Variants in SLC12A8 observed in about 807,000 individuals in gnomAD.
The protein encoded by SLC12A8 is solute carrier family 12 member 8, also known as cation-chloride cotransporter 9.
Under a neutral mutation model 75.6 loss-of-function variants are expected in SLC12A8, and 69 were observed. The ratio of observed to expected loss-of-function variants is 0.91; its 90% CI spans 0.75 to 1.11. The LOEUF (loss-of-function observed/expected upper bound fraction) is 1.11. SLC12A8 is among the 50% of genes most tolerant of loss of function. The probability of loss-of-function intolerance (pLI) is 0.00; values close to 1 mark genes in which losing one functional copy is unlikely to be tolerated. For missense variants in SLC12A8, 877 were observed against 896.7 expected, an observed-to-expected ratio of 0.98 and a Z score of 0.28; for synonymous variants, 365 against 372.8, an observed-to-expected ratio of 0.98 and a Z score of 0.24.
intron 2 of SLC12A8, among the ~76,000 whole-genome samples, chr3:125,202,648 T>A (rs78038612): frequency 0.16 from 798 of 5,134 alleles, 18 homozygotes; most frequent in Admixed American, 0.39. Context: ...TTTTTTTTTT[T>A]TTAAATCTGT....
intron 10 of SLC12A8, among the ~76,000 whole-genome samples, chr3:125,103,647 T>G (rs1938944513): frequency 6.6e-6 from 1 of 151,750 alleles, no homozygotes; most frequent in Non-Finnish European, 1.5e-5. Context: ...AAAAAATTTT[T>G]GTAGACACAG....
At chr3:125,132,549 G>T (rs11719446) in intron 6 of SLC12A8, among the ~76,000 whole-genome samples, 2,568 of 152,312 alleles carry the variant, frequency 0.017, 25 homozygotes, top group Non-Finnish European at 0.026. Context: ...ACTGGCATAA[G>T]CATTTGGCTG....
intron 8 of SLC12A8, among the ~76,000 whole-genome samples, chr3:125,117,033 G>T (rs560122084): frequency 6.6e-6 from 1 of 152,160 alleles, no homozygotes; most frequent in Admixed American, 6.5e-5. Context: ...TGGAAAGTGG[G>T]TATCAGTTCT....
intron 2 of SLC12A8, among the ~76,000 whole-genome samples, chr3:125,190,974 G>C (rs1934898994): frequency 6.6e-6 from 1 of 152,136 alleles, no homozygotes; most frequent in Non-Finnish European, 1.5e-5. Context: ...TGGGGCTCAT[G>C]GTCATGAGCC....
At chr3:125,163,032 G>A (rs1032535204) in intron 5 of SLC12A8, among the ~76,000 whole-genome samples, 34 of 152,316 alleles carry the variant, frequency 2.2e-4, no homozygotes, top group African/African-American at 7.7e-4. Context: ...GGCCAGGTGC[G>A]GTGGCTCATG....
intron 2 of SLC12A8, among the ~76,000 whole-genome samples, chr3:125,199,569 C>T (rs1030046819): frequency 6.1e-5 from 9 of 148,422 alleles, no homozygotes; most frequent in African/African-American, 2.2e-4. Context: ...TAATCAAACC[C>T]CTTCTCTAGA....
At chr3:125,175,133 A>T (rs1179127480) in intron 5 of SLC12A8, among the ~76,000 whole-genome samples, 6 of 152,320 alleles carry the variant, frequency 3.9e-5, no homozygotes, top group East Asian at 1.9e-4. Context: ...AATTTTTTTT[A>T]AAAAAGTAAC....
intron 2 of SLC12A8, among the ~76,000 whole-genome samples, chr3:125,198,964 G>C (rs984074215): frequency 6.6e-6 from 1 of 151,914 alleles, no homozygotes; most frequent in Non-Finnish European, 1.5e-5. Context: ...ATTTTTAGTA[G>C]AGATGGGGTT....
chr3:125,153,741 C>T (rs1933986580), intron 5 of SLC12A8, among the ~76,000 whole-genome samples: 1 of 152,116 alleles, frequency 6.6e-6, no homozygotes, highest in Non-Finnish European at 1.5e-5. Context: ...CAGGTTCAAG[C>T]GATTCTCCTG....
At chr3:125,157,250 A>G (rs1934070042) in intron 5 of SLC12A8, among the ~76,000 whole-genome samples, 1 of 152,252 alleles carries the variant, frequency 6.6e-6, no homozygotes, top group African/African-American at 2.4e-5. Flanking sequence ...ATCTACTCAC[A>G]TATATGAATA....
intron 10 of SLC12A8, among the ~76,000 whole-genome samples, chr3:125,105,988 C>A (rs1221122839): frequency 6.6e-6 from 1 of 152,096 alleles, no homozygotes; most frequent in East Asian, 1.9e-4. Flanking sequence ...TGAGATCGCA[C>A]CAAATCCTCA....
At position 125,203,693 on chromosome 3, in the gene SLC12A8, C is replaced by T. The variant is rs542237989; in HGVS notation, c.51+7606G>A. Among the ~76,000 whole-genome samples the T allele has an allele frequency of 3.9e-5, 6 of 152,250 alleles. No individual in the cohort carries two copies. In the South Asian group the frequency reaches 1.2e-3, roughly 32 times the overall value. On this transcript the variant is annotated intron_variant, in intron 2 of 13. Coordinates refer to ENST00000469902, the MANE Select transcript of SLC12A8 (RefSeq NM_024628.6). ...ATTGGTTTGGGAAAAGGTTTTATGG[C>T]TAAGATTTCAAAAGCACAGGCAACA...
chr3:125,114,220 G>A (rs1007871948), intron 8 of SLC12A8, among the ~76,000 whole-genome samples: 7 of 152,142 alleles, frequency 4.6e-5, no homozygotes, highest in African/African-American at 1.2e-4. Flanking sequence ...CTGTGTCCAC[G>A]ATGGAGGGCA....
intron 13 of SLC12A8, among the ~76,000 whole-genome samples, chr3:125,086,228 C>T (rs1484456031): frequency 6.6e-6 from 1 of 152,144 alleles, no homozygotes; most frequent in Non-Finnish European, 1.5e-5. Context: ...AAAATATCGC[C>T]CAGCAGCCAT....
intron 8 of SLC12A8, 49 bp from the exon 9 acceptor site, chr3:125,110,384 C>T: frequency 6.3e-7 from 1 of 1,584,518 alleles, no homozygotes; most frequent in South Asian, 1.2e-5. Context: ...TGCTCCTGTG[C>T]CTTTCTACCC....
At chr3:125,160,106 C>T (rs1249767267) in intron 5 of SLC12A8, among the ~76,000 whole-genome samples, 1 of 152,116 alleles carries the variant, frequency 6.6e-6, no homozygotes, top group East Asian at 1.9e-4. Context: ...CCATGTCCAG[C>T]TAATTTTTAA....
intron 6 of SLC12A8, among the ~76,000 whole-genome samples, chr3:125,133,503 CT>C (rs1249631725): frequency 6.6e-6 from 1 of 151,310 alleles, no homozygotes; most frequent in Non-Finnish European, 1.5e-5. Flanking sequence ...CCTCCCACCC[CT>C]AAGTAGCTGA....
intron 6 of SLC12A8, among the ~76,000 whole-genome samples, chr3:125,126,586 C>T (rs566816835): frequency 1.2e-4 from 18 of 152,212 alleles, no homozygotes; most frequent in Admixed American, 3.9e-4. Context: ...TTTCCCACCC[C>T]AATTCCCTTT....
At chr3:125,112,005 G>A (rs766941832) in intron 8 of SLC12A8, among the ~76,000 whole-genome samples, 3 of 152,142 alleles carry the variant, frequency 2.0e-5, no homozygotes, top group Admixed American at 6.5e-5. Flanking sequence ...TACTTCATTG[G>A]TTACAATGGG....
Sources: allele counts gnomAD v4.1 joint callset (sites outside exome capture counted in the v4.1 genomes callset), GRCh38; gene constraint gnomAD v4.1.1; transcripts MANE v1.5; gene names NCBI Gene and HGNC (gene_info 2026-07-23, HGNC 2026-07-21).